The following NFATC1 variants were observed in gnomAD, a reference collection of about 807,000 sequenced individuals.
The protein encoded by NFATC1 is nuclear factor of activated T-cells, cytoplasmic 1.
A neutral mutation model predicts 76.0 loss-of-function variants in NFATC1; 22 were observed. The ratio of observed to expected loss-of-function variants is 0.29; its 90% CI spans 0.21 to 0.41. NFATC1 has a LOEUF of 0.41. NFATC1 is among the 10% of genes least tolerant of loss of function. NFATC1 has a pLI of 1.00. For synonymous variants in NFATC1, 704 were observed against 613.1 expected (o/e 1.15, Z -2.19); for missense variants, 1,357 against 1,337.7 (o/e 1.01, Z -0.23).
intron 1 of NFATC1, among the ~76,000 whole-genome samples, chr18:79,406,065 G>T (rs761285726): frequency 6.6e-6 from 1 of 152,320 alleles, no homozygotes; most frequent in Admixed American, 6.5e-5. Context: ...CTAGTACCCC[G>T]TGTGGCGCAG....
intron 2 of NFATC1, among the ~76,000 whole-genome samples, chr18:79,424,953 GTGTC>G (rs2086249328): frequency 7.7e-6 from 1 of 130,248 alleles, no homozygotes; most frequent in Non-Finnish European, 1.7e-5. Flanking sequence ...CTGCCTCTCT[GTGTC>G]TGTCTCTCCG....
chr18:79,431,415 C>G (rs1295813640), intron 2 of NFATC1, among the ~76,000 whole-genome samples: 1 of 152,104 alleles, frequency 6.6e-6, no homozygotes, highest in Non-Finnish European at 1.5e-5. Flanking sequence ...GAAGCACATG[C>G]GATCTTGGCT....
intron 2 of NFATC1, among the ~76,000 whole-genome samples, chr18:79,426,347 CA>C (rs1417017332): frequency 6.6e-6 from 1 of 151,950 alleles, no homozygotes. Context: ...GACACAGGTT[CA>C]GGGGCATGAA....
At chr18:79,409,917 AAAT>A (rs1428335267) in intron 1 of NFATC1, among the ~76,000 whole-genome samples, 2 of 152,238 alleles carry the variant, frequency 1.3e-5, no homozygotes, top group Admixed American at 1.3e-4. Flanking sequence ...TTAGGAGAAA[AAAT>A]AAACTAGAGA....
intron 3 of NFATC1, among the ~76,000 whole-genome samples, chr18:79,442,193 G>A (rs3786191): frequency 6.6e-6 from 1 of 152,200 alleles, no homozygotes; most frequent in Non-Finnish European, 1.5e-5. Flanking sequence ...CGGCAAGCAC[G>A]GCCTCTGGGG....
At chr18:79,415,368 TGCCTCCTGGGTTCAC>T (rs1358558602) in intron 2 of NFATC1, among the ~76,000 whole-genome samples, 1 of 152,138 alleles carries the variant, frequency 6.6e-6, no homozygotes. Flanking sequence ...CTGCAAGCTT[TGCCTCCTGGGTTCAC>T]GCCATTCTCC....
chr18:79,513,041 G>A (rs929058223), intron 9 of NFATC1, among the ~76,000 whole-genome samples: 1 of 152,216 alleles, frequency 6.6e-6, no homozygotes, highest in Non-Finnish European at 1.5e-5. Context: ...AGTTGTATCT[G>A]CCATGTTTTT....
chr18:79,508,831 GTGTCTCTGTCTCTCTTATCTCTCTCCCTC>G (rs534085221), intron 9 of NFATC1, among the ~76,000 whole-genome samples: 538 of 150,776 alleles, frequency 3.6e-3, no homozygotes, highest in Non-Finnish European at 6.1e-3. Context: ...CTCCCTCCGT[GTGTCTCTGTCTCTCTTATCTCTCTCCCTC>G]TGTCTCTGCC....
chr18:79,428,571 A>G (rs901286579), intron 2 of NFATC1, among the ~76,000 whole-genome samples: 4 of 152,246 alleles, frequency 2.6e-5, no homozygotes, highest in African/African-American at 9.6e-5. Context: ...TTACAACAAC[A>G]GAGGGGAACA....
chr18:79,424,171 G>A (rs1315620056), intron 2 of NFATC1, among the ~76,000 whole-genome samples: 3 of 152,258 alleles, frequency 2.0e-5, no homozygotes, highest in Admixed American at 6.5e-5. Context: ...GCCAGAGGTC[G>A]GGAATCATGT....
intron 9 of NFATC1, among the ~76,000 whole-genome samples, chr18:79,510,337 CAT>C (rs1414168551): frequency 1.3e-5 from 2 of 152,160 alleles, no homozygotes; most frequent in Admixed American, 1.3e-4. Flanking sequence ...AAAAAAACCA[CAT>C]ATGGGGATCA....
chr18:79,407,499 G>A (rs1600604017), intron 1 of NFATC1, among the ~76,000 whole-genome samples: 1 of 152,186 alleles, frequency 6.6e-6, no homozygotes, highest in East Asian at 1.9e-4. Flanking sequence ...AGGCTGGAGT[G>A]CAGGCTGGAG....
intron 1 of NFATC1, among the ~76,000 whole-genome samples, chr18:79,409,764 C>A (rs1312772488): frequency 1.3e-5 from 2 of 152,220 alleles, no homozygotes; most frequent in Non-Finnish European, 2.9e-5. Context: ...CAGGCACAGT[C>A]TTTGGCTCTG....
intron 8 of NFATC1, among the ~76,000 whole-genome samples, chr18:79,480,833 C>T (rs766976361): frequency 2.0e-5 from 3 of 152,228 alleles, no homozygotes; most frequent in Non-Finnish European, 4.4e-5. Flanking sequence ...ACAGAAGAGG[C>T]GCACTGGCCC....
In NFATC1 at chr18:79,410,141, G is replaced by C; in HGVS notation, c.128-262G>C. ...CCGCCTCTCCCTGGGAAGGACGTTC[G>C]GGGGCTTGTGCTGCTGTTAGGGGAG... On this transcript the variant is annotated intron_variant, in intron 1 of 9. Coordinates refer to ENST00000427363, the MANE Select transcript of NFATC1 (RefSeq NM_001278669.2). The surrounding 1 kb of genome is among the most constrained non-coding windows in gnomAD (Gnocchi z 6.7). The C allele has an allele frequency of 4.0e-6, 3 of 757,902 alleles. No individual in the cohort carries two copies. The highest frequency in any genetic ancestry group is 1.7e-5 in the African/African-American group (1 of 59,112). The allele number at this position is 757,902 out of a possible 1,614,324, so 46.9% of individuals were successfully genotyped here. A position where few individuals can be genotyped will look rare whatever the true frequency, so the allele number is the denominator to read the frequency against.
At chr18:79,503,779 A>T (rs2090062746) in intron 9 of NFATC1, among the ~76,000 whole-genome samples, 1 of 152,230 alleles carries the variant, frequency 6.6e-6, no homozygotes. Context: ...TTTTGTCTGC[A>T]CAGAAAATCT....
intron 8 of NFATC1, among the ~76,000 whole-genome samples, chr18:79,477,257 A>G (rs765129997): frequency 6.6e-6 from 1 of 152,198 alleles, no homozygotes; most frequent in African/African-American, 2.4e-5. Context: ...AGACAATCTG[A>G]TCTTTGTTTT....
chr18:79,469,550 C>T, intron 8 of NFATC1: 1 of 986,102 alleles, frequency 1.0e-6, no homozygotes, highest in South Asian at 4.7e-5. Context: ...AGCCACACTC[C>T]TGCCTCGATT....
At chr18:79,435,608 G>C (rs1268677062) in intron 3 of NFATC1, among the ~76,000 whole-genome samples, 2 of 152,206 alleles carry the variant, frequency 1.3e-5, no homozygotes, top group African/African-American at 4.8e-5. Flanking sequence ...GCGTCTTCTG[G>C]AATCTTCTGG....
Sources: allele counts gnomAD v4.1 joint callset (sites outside exome capture counted in the v4.1 genomes callset), GRCh38; gene constraint gnomAD v4.1.1; non-coding constraint Gnocchi (gnomAD v3.1); transcripts MANE v1.5; gene names NCBI Gene and HGNC (gene_info 2026-07-23, HGNC 2026-07-21).